Variants in MTBP observed in about 807,000 individuals in gnomAD.
The protein encoded by MTBP is MDM2 binding protein.
Under a neutral mutation model 117.0 loss-of-function variants are expected in MTBP, and 101 were observed. The ratio of observed to expected loss-of-function variants is 0.86; its 90% CI spans 0.73 to 1.02. MTBP has a LOEUF of 1.02. Among genes scored for constraint, MTBP ranks in the 50% least tolerant of loss-of-function variants. The probability of loss-of-function intolerance (pLI) is 0.00; values close to 1 mark genes in which losing one functional copy is unlikely to be tolerated. For synonymous variants in MTBP, 350 were observed against 351.5 expected (o/e 1.00, Z 0.05); for missense variants, 970 against 1,030.9 (o/e 0.94, Z 0.81).
chr8:120,523,533 A>C lies in MTBP; in HGVS notation c.*197A>C, dbSNP rs542599762. ...GCTATGTTAATGTATTTTTAATTAG[A>C]TACATATTTTGTAAAGTGTTACTAT... On this transcript the variant is annotated 3_prime_UTR_variant, in exon 22 of 22. Transcript: ENST00000305949. 1 of 311,162 alleles carries C rather than the reference A, an allele frequency of 3.2e-6. No homozygotes were observed. Among genetic ancestry groups the C allele is most frequent in the South Asian group, 1.4e-4 (1 of 6,900 alleles). 19.3% of individuals were successfully genotyped at this position (311,162 alleles called of 1,614,324 possible).
chr8:120,466,914 A>G (rs1046557020), intron 10 of MTBP, among the ~76,000 whole-genome samples: 1 of 152,182 alleles, frequency 6.6e-6, no homozygotes, highest in Non-Finnish European at 1.5e-5. Flanking sequence ...CATTTATTAA[A>G]CAATTAATTT....
chr8:120,484,903 T>C (rs1814177523), intron 11 of MTBP, among the ~76,000 whole-genome samples: 1 of 152,190 alleles, frequency 6.6e-6, no homozygotes, highest in African/African-American at 2.4e-5. Flanking sequence ...TGTAATCATA[T>C]AGTATCTAGT....
intron 11 of MTBP, chr8:120,473,401 A>G (rs1015733919): frequency 1.3e-5 from 2 of 152,124 alleles, no homozygotes; most frequent in Non-Finnish European, 2.9e-5. Flanking sequence ...TTAAAATACC[A>G]TTTATACAGA....
chr8:120,503,840 T>G (rs1814634245), intron 15 of MTBP, among the ~76,000 whole-genome samples: 2 of 152,064 alleles, frequency 1.3e-5, no homozygotes, highest in Non-Finnish European at 2.9e-5. Context: ...CTTCCTATGA[T>G]GCATTAGATG....
intron 16 of MTBP, among the ~76,000 whole-genome samples, chr8:120,509,168 T>G (rs1418242547): frequency 2.0e-5 from 3 of 152,160 alleles, no homozygotes. Context: ...AAGATCTGGG[T>G]CCCACGTGTT....
intron 7 of MTBP, among the ~76,000 whole-genome samples, chr8:120,458,605 T>A (rs894578780): frequency 6.6e-6 from 1 of 151,996 alleles, no homozygotes; most frequent in Non-Finnish European, 1.5e-5. Context: ...TTTGGGAGGC[T>A]GAGGCAGGTG....
At chr8:120,518,486 A>G (rs1814958853) in intron 19 of MTBP, among the ~76,000 whole-genome samples, 1 of 152,022 alleles carries the variant, frequency 6.6e-6, no homozygotes, top group Non-Finnish European at 1.5e-5. Flanking sequence ...CTTTCTTAAG[A>G]CACTGTAGTC....
chr8:120,466,904 C>A (rs1412497283), intron 10 of MTBP, among the ~76,000 whole-genome samples: 1 of 152,114 alleles, frequency 6.6e-6, no homozygotes, highest in Admixed American at 6.5e-5. Flanking sequence ...CCTTGGGTTT[C>A]ATTTATTAAA....
At chr8:120,501,190 CAAAAA>C (rs59706254) in intron 14 of MTBP, among the ~76,000 whole-genome samples, 1 of 45,952 alleles carries the variant, frequency 2.2e-5, no homozygotes, top group Non-Finnish European at 3.8e-5. Context: ...AACTCCATCT[CAAAAA>C]AAAAAAAAAA....
intron 5 of MTBP, 38 bp from the exon 6 acceptor site, chr8:120,455,397 T>C (rs760298336): frequency 1.4e-4 from 206 of 1,441,446 alleles, no homozygotes; most frequent in Non-Finnish European, 1.9e-4. Flanking sequence ...CAGATCTAAC[T>C]TTTTAAAAAT....
At chr8:120,447,295 C>T (rs1213514783) in intron 2 of MTBP, among the ~76,000 whole-genome samples, 1 of 151,912 alleles carries the variant, frequency 6.6e-6, no homozygotes, top group Non-Finnish European at 1.5e-5. Flanking sequence ...TCTTGTCTCT[C>T]GGTGTCAAAT....
At chr8:120,453,943 A>G (rs754422074) in intron 5 of MTBP, 38 bp downstream of exon 5, 17 of 1,162,960 alleles carry the variant, frequency 1.5e-5, no homozygotes, top group Admixed American at 1.2e-4. Context: ...TTTGTATCTT[A>G]TCTTATTACA....
chr8:120,491,815 A>C (rs1164793298), intron 13 of MTBP, among the ~76,000 whole-genome samples: 1 of 152,170 alleles, frequency 6.6e-6, no homozygotes, highest in Non-Finnish European at 1.5e-5. Context: ...AACTATCAGA[A>C]GAGCAGGGAC....
At chr8:120,476,226 C>T (rs548031968) in intron 11 of MTBP, among the ~76,000 whole-genome samples, 1 of 152,210 alleles carries the variant, frequency 6.6e-6, no homozygotes, top group South Asian at 2.1e-4. Context: ...CTAAAACTCT[C>T]AATAAGCTAG....
chr8:120,516,104 G>C lies in MTBP; in HGVS notation c.2159G>C (p.Gly720Ala), dbSNP rs1206429956. The C allele has an allele frequency of 6.2e-7, 1 of 1,612,952 alleles. No homozygotes were observed. Among genetic ancestry groups the C allele is most frequent in the Admixed American group, 1.7e-5 (1 of 59,910 alleles). ...VSSDPGSVPDGEVLQNELRTE... is the reference protein window; with the variant it reads ...VSSDPGSVPDAEVLQNELRTE... ...TCAGATCCTGGAAGTGTCCCTGACGGAGAAGTTTTACAAAATGAACTTCGA... is the reference window on the plus strand; with the variant it reads ...TCAGATCCTGGAAGTGTCCCTGACGCAGAAGTTTTACAAAATGAACTTCGA... The change falls in exon 18 of 22, where the codon GGA becomes GCA. Residue 720 changes from glycine to alanine, a missense_variant. Coordinates refer to ENST00000305949, the MANE Select transcript of MTBP (RefSeq NM_022045.5).
chr8:120,504,145 G>A (rs545560609), intron 15 of MTBP, among the ~76,000 whole-genome samples: 21 of 152,176 alleles, frequency 1.4e-4, no homozygotes, highest in Middle Eastern at 3.4e-3. Context: ...AGAAATGGAG[G>A]CTAAGACCAC....
rs1190651647 is a variant in MTBP, at chr8:120,461,061, C to T, written c.883-100C>T. 4.8e-6 allele frequency: 4 copies of T among 832,552 alleles called. 1 individual carries two copies. The South Asian group carries it at 5.2e-5, about 11-fold the overall frequency. The allele number at this position is 832,552 out of a possible 1,614,324, so 51.6% of individuals were successfully genotyped here. On this transcript the variant is annotated intron_variant, in intron 8 of 21. Transcript: ENST00000305949. The stretch of plus-strand genomic sequence containing the variant: ...GGCATGCTTAATGTGTAAAAAGTTG[C>T]TTTTTAAGATCCATTTTAAAGTTTT...
At chr8:120,469,960 A>G (rs1813785242) in intron 10 of MTBP, among the ~76,000 whole-genome samples, 1 of 152,198 alleles carries the variant, frequency 6.6e-6, no homozygotes, top group Non-Finnish European at 1.5e-5. Context: ...TAGTCCATCA[A>G]TATAGGACAG....
At chr8:120,518,969 T>C (rs1814968488) in intron 20 of MTBP, 152 bp downstream of exon 20, 4 of 551,322 alleles carry the variant, frequency 7.3e-6, no homozygotes, top group Non-Finnish European at 1.3e-5. Flanking sequence ...GAAGCCAAAA[T>C]ACTTTATATT....
Sources: allele counts gnomAD v4.1 joint callset (sites outside exome capture counted in the v4.1 genomes callset), GRCh38; gene constraint gnomAD v4.1.1; transcripts MANE v1.5; gene names NCBI Gene and HGNC (gene_info 2026-07-23, HGNC 2026-07-21).